UTS2B: variants seen among roughly 807,000 people sequenced by gnomAD.
UTS2B encodes urotensin 2B.
UTS2B carries 21 observed loss-of-function variants against 19.2 expected under a neutral mutation model. That is an observed-to-expected ratio of 1.09 (90% CI 0.78 to 1.58). The LOEUF is 1.58. Among genes scored for constraint, UTS2B ranks in the 40% most tolerant of loss-of-function variants. UTS2B has a pLI of 0.00. For synonymous variants in UTS2B, 57 were observed against 50.2 expected, an observed-to-expected ratio of 1.14 and a Z score of -0.58; for missense variants, 138 against 130.3, an observed-to-expected ratio of 1.06 and a Z score of -0.29.
At chr3:191,339,287 A>G in the UTS2B span, among the ~76,000 whole-genome samples, 1 of 152,244 alleles carries the variant, frequency 6.6e-6, no homozygotes, top group East Asian at 1.9e-4. Flanking sequence ...ATGGTGTATT[A>G]GAAGTTAACA....
At chr3:191,344,754 A>G in the UTS2B span, among the ~76,000 whole-genome samples, 1 of 151,942 alleles carries the variant, frequency 6.6e-6, no homozygotes, top group East Asian at 1.9e-4. Flanking sequence ...AATTTTTTGT[A>G]TTTTTGTGGA....
chr3:191,339,399 A>G, the UTS2B span, among the ~76,000 whole-genome samples: 1 of 152,174 alleles, frequency 6.6e-6, no homozygotes, highest in Non-Finnish European at 1.5e-5. Context: ...CTCTATATAA[A>G]AAAAGTGAGG....
rs1716294218 is a variant in UTS2B at position 191,278,317 on chromosome 3, A to T, written c.104-147T>A. On this transcript the variant is annotated intron_variant, in intron 5 of 8. Coordinates refer to ENST00000340524, the MANE Select transcript of UTS2B (RefSeq NM_198152.5). ...ATAGTCTGAAGGGATGGGTAATTTA[A>T]GAAATTATTGAATATATATTGAATG... The T allele has an allele frequency of 4.2e-5, 20 of 477,122 alleles. No individual in the cohort carries two copies. The South Asian group carries it at 7.0e-4, about 17-fold the overall frequency. 29.6% of individuals were successfully genotyped at this position (477,122 alleles called of 1,614,324 possible).
chr3:191,303,186 T>C (rs1225457351), intron 4 of UTS2B, among the ~76,000 whole-genome samples: 1 of 152,204 alleles, frequency 6.6e-6, no homozygotes, highest in Non-Finnish European at 1.5e-5. Flanking sequence ...CTGAGGATAC[T>C]GTATAAACTT....
intron 2 of UTS2B, among the ~76,000 whole-genome samples, chr3:191,326,217 T>C (rs557324589): frequency 2.1e-4 from 32 of 152,162 alleles, no homozygotes; most frequent in Non-Finnish European, 4.6e-4. Flanking sequence ...ATAACTATAT[T>C]TATTTATTTA....
chr3:191,308,840 C>G (rs1035362381), intron 3 of UTS2B, among the ~76,000 whole-genome samples: 1 of 151,710 alleles, frequency 6.6e-6, no homozygotes, highest in Non-Finnish European at 1.5e-5. Flanking sequence ...CTTGCTACCT[C>G]TTAGTTATGA....
chr3:191,339,618 A>T, the UTS2B span, among the ~76,000 whole-genome samples: 12 of 152,218 alleles, frequency 7.9e-5, no homozygotes, highest in Non-Finnish European at 1.5e-4. Context: ...AACATAAAAA[A>T]TTTGGTGATC....
intron 3 of UTS2B, among the ~76,000 whole-genome samples, chr3:191,314,300 T>G (rs1299021797): frequency 6.6e-6 from 1 of 152,168 alleles, no homozygotes; most frequent in Non-Finnish European, 1.5e-5. Context: ...TGTGTGCAGC[T>G]CTGTCCTCTT....
At chr3:191,332,598 A>G (rs1311424522), upstream of UTS2B, among the ~76,000 whole-genome samples, 1 of 152,260 alleles carries the variant, frequency 6.6e-6, no homozygotes, top group Non-Finnish European at 1.5e-5. Context: ...TGCAAAATGC[A>G]ATTTGCGAAT....
intron 2 of UTS2B, among the ~76,000 whole-genome samples, chr3:191,317,513 C>T (rs944465169): frequency 3.9e-5 from 6 of 152,244 alleles, no homozygotes; most frequent in African/African-American, 1.4e-4. Context: ...GCCGAGGAGG[C>T]GCTGAGAGCG....
chr3:191,319,304 A>G (rs1407365563), intron 2 of UTS2B, among the ~76,000 whole-genome samples: 1 of 152,256 alleles, frequency 6.6e-6, no homozygotes, highest in Non-Finnish European at 1.5e-5. Flanking sequence ...TGTGATAGCC[A>G]TAGAAAATCT....
At chr3:191,272,487 CT>C (rs1421290505) in intron 8 of UTS2B, among the ~76,000 whole-genome samples, 1 of 152,154 alleles carries the variant, frequency 6.6e-6, no homozygotes, top group Non-Finnish European at 1.5e-5. Context: ...TGCGATTATC[CT>C]TTCCCTGTTC....
At position 191,276,788 on chromosome 3, in the gene UTS2B, AAGT is replaced by A; in HGVS notation, c.240+16_240+18del. ...TAATTGTTATTAAAACTGCTCATTTAAGTATTTCACATTCTCACCTGGTTAAGT... is the reference window on the plus strand; with the variant it reads ...TAATTGTTATTAAAACTGCTCATTTAATTTCACATTCTCACCTGGTTAAGT... On this transcript the variant is annotated intron_variant, in intron 7 of 8. Coordinates refer to ENST00000340524, the MANE Select transcript of UTS2B (RefSeq NM_198152.5). 1 of 1,605,600 alleles carries A rather than the reference AAGT, an allele frequency of 6.2e-7. No homozygotes were observed. The highest frequency in any genetic ancestry group is 8.5e-7 in the Non-Finnish European group (1 of 1,174,880).
intron 4 of UTS2B, among the ~76,000 whole-genome samples, chr3:191,291,374 T>C (rs1411418109): frequency 6.6e-6 from 1 of 152,212 alleles, no homozygotes; most frequent in Non-Finnish European, 1.5e-5. Context: ...AACTATTAGC[T>C]ACTTGAAAGT....
chr3:191,302,885 G>A (rs969987047), intron 4 of UTS2B, among the ~76,000 whole-genome samples: 7 of 152,206 alleles, frequency 4.6e-5, no homozygotes, highest in African/African-American at 1.7e-4. Context: ...TCCCAAAGCA[G>A]GCATGAAGAG....
chr3:191,287,488 C>T (rs976091642), intron 4 of UTS2B, among the ~76,000 whole-genome samples: 2 of 151,864 alleles, frequency 1.3e-5, no homozygotes, highest in Non-Finnish European at 1.5e-5. Context: ...ATTAATCGAA[C>T]GAAGAACAAA....
At chr3:191,315,059 T>G (rs1717410453) in intron 3 of UTS2B, among the ~76,000 whole-genome samples, 1 of 151,572 alleles carries the variant, frequency 6.6e-6, no homozygotes, top group Admixed American at 6.6e-5. Context: ...TCGTCCAGGC[T>G]GGAGTGCAAT....
upstream of UTS2B, among the ~76,000 whole-genome samples, chr3:191,333,652 T>A (rs1406069733): frequency 6.6e-6 from 1 of 152,184 alleles, no homozygotes; most frequent in Non-Finnish European, 1.5e-5. Flanking sequence ...TTTTATGTAA[T>A]CAGCAACTAT....
At chr3:191,321,499 G>A (rs879518288) in intron 2 of UTS2B, among the ~76,000 whole-genome samples, 1 of 152,190 alleles carries the variant, frequency 6.6e-6, no homozygotes, top group Admixed American at 6.5e-5. Flanking sequence ...CAAGGTTTAT[G>A]CGCCAAAGGA....
Sources: allele counts gnomAD v4.1 joint callset (sites outside exome capture counted in the v4.1 genomes callset), GRCh38; gene constraint gnomAD v4.1.1; transcripts MANE v1.5; gene names NCBI Gene and HGNC (gene_info 2026-07-23, HGNC 2026-07-21).